Variants in E2F2 observed in about 807,000 individuals in gnomAD.
E2F2 encodes E2F transcription factor 2, also known as transcription factor E2F2.
Under a neutral mutation model 42.2 loss-of-function variants are expected in E2F2, and 22 were observed. That is an observed-to-expected ratio of 0.52 (90% CI 0.37 to 0.74). E2F2 has a LOEUF of 0.74. Among genes scored for constraint, E2F2 ranks in the 30% least tolerant of loss-of-function variants. The probability of loss-of-function intolerance (pLI) is 0.00; values close to 1 mark genes in which losing one functional copy is unlikely to be tolerated. For synonymous variants in E2F2, 248 were observed against 251.6 expected (o/e 0.99, Z 0.13); for missense variants, 481 against 557.8 (o/e 0.86, Z 1.39).
intron 6 of E2F2, among the ~76,000 whole-genome samples, chr1:23,515,204 G>A (rs867970472): frequency 1.3e-5 from 2 of 152,244 alleles, no homozygotes; most frequent in African/African-American, 4.8e-5. Flanking sequence ...CAGTCTAGCC[G>A]GATGTGTGAT....
chr1:23,523,881 C>G (rs1643199109), intron 2 of E2F2, among the ~76,000 whole-genome samples: 1 of 151,876 alleles, frequency 6.6e-6, no homozygotes, highest in Non-Finnish European at 1.5e-5. Context: ...TAAGACCAGC[C>G]TGGCCAACAT....
chr1:23,522,147 T>C, intron 2 of E2F2, 91 bp from the exon 3 acceptor site: 1 of 1,137,964 alleles, frequency 8.8e-7, no homozygotes, highest in East Asian at 2.5e-5. Context: ...AAGTACCACC[T>C]TTCACCACCC....
At chr1:23,517,868 C>T (rs1310018175) in intron 5 of E2F2, among the ~76,000 whole-genome samples, 1 of 152,142 alleles carries the variant, frequency 6.6e-6, no homozygotes, top group African/African-American at 2.4e-5. Flanking sequence ...AGGGGAAGAG[C>T]ATGTATGAGG....
downstream of E2F2, among the ~76,000 whole-genome samples, chr1:23,505,606 G>A (rs765691192): frequency 6.6e-6 from 1 of 152,118 alleles, no homozygotes; most frequent in Non-Finnish European, 1.5e-5. Flanking sequence ...TCTGCCTCCT[G>A]GGTTAAAGTG....
Position 23,512,166 on chromosome 1 carries a change from C to T in E2F2, c.1046-2018G>A, listed in dbSNP as rs574920821. ...TGAGGCAAGATCACGCCACTGCACT[C>T]CAGCCTGGGCAACAAGAGCGAGACT... On this transcript the variant is annotated intron_variant, in intron 6 of 6. Transcript: ENST00000361729. 3.0e-4 allele frequency among the ~76,000 whole-genome samples: 46 copies of T among 152,208 alleles called. 2 individuals carry two copies. Among genetic ancestry groups the T allele is most frequent in the South Asian group, 2.7e-3 (13 of 4,810 alleles).
In E2F2 at chr1:23,530,453, C is replaced by T. The variant is rs1643318643; in HGVS notation, c.252+89G>A. 6.6e-7 allele frequency: 1 copy of T among 1,524,718 alleles called. No individual in the cohort carries two copies. Among genetic ancestry groups the T allele is most frequent in the Non-Finnish European group, 8.8e-7 (1 of 1,136,826 alleles). The allele number at this position is 1,524,718 out of a possible 1,614,324, so 94.4% of individuals were successfully genotyped here. A position where few individuals can be genotyped will look rare whatever the true frequency, so the allele number is the denominator to read the frequency against. ...TTCCCTCTTCCCAAAACTCTACCTGCTCCACTCAAACTGGATCTCAGGCAC... is the reference window on the plus strand; with the variant it reads ...TTCCCTCTTCCCAAAACTCTACCTGTTCCACTCAAACTGGATCTCAGGCAC... On this transcript the variant is annotated intron_variant, in intron 1 of 6. Coordinates refer to ENST00000361729, the MANE Select transcript of E2F2 (RefSeq NM_004091.4). The surrounding 1 kb of genome is among the most constrained non-coding windows in gnomAD (Gnocchi z 4.4).
At chr1:23,515,694 A>G (rs1449606461) in intron 6 of E2F2, among the ~76,000 whole-genome samples, 1 of 151,448 alleles carries the variant, frequency 6.6e-6, no homozygotes, top group Admixed American at 6.6e-5. Context: ...CCTATTTTTT[A>G]AAATTTTATT....
chr1:23,511,590 T>A (rs1642910123), intron 6 of E2F2, among the ~76,000 whole-genome samples: 1 of 152,114 alleles, frequency 6.6e-6, no homozygotes, highest in African/African-American at 2.4e-5. Flanking sequence ...GGACATGCAA[T>A]GAAGCACTGG....
chr1:23,524,406 A>G lies in E2F2; in HGVS notation c.335T>C (p.Val112Ala). ...FPTPKGKCIR[V>A]DGLPSPKTPK... ...ACTTTTGGGGCTGGGGAGGCCATCCACTCTGATGCACTTCCCCTTGGGGGT... is the reference window on the plus strand; with the variant it reads ...ACTTTTGGGGCTGGGGAGGCCATCCGCTCTGATGCACTTCCCCTTGGGGGT... Residue 112 changes from valine (V) to alanine (A), a missense_variant, in exon 2 of 7, where the codon GTG becomes GCG. Coordinates refer to ENST00000361729, the MANE Select transcript of E2F2 (RefSeq NM_004091.4). 6.2e-7 allele frequency: 1 copy of G among 1,606,372 alleles called. No homozygotes were observed.
intron 1 of E2F2, among the ~76,000 whole-genome samples, chr1:23,526,139 T>C (rs1417252639): frequency 2.0e-5 from 3 of 152,150 alleles, no homozygotes; most frequent in Non-Finnish European, 4.4e-5. Flanking sequence ...CCAAACACTT[T>C]ACTGCTCATT....
Position 23,530,841 on chromosome 1 carries a change from C to G in E2F2, c.-48G>C. On this transcript the variant is annotated 5_prime_UTR_variant, in exon 1 of 7. Transcript: ENST00000361729. This position sits in a 1 kb window ranked among gnomAD's most constrained non-coding sequence, Gnocchi z 4.4. The stretch of plus-strand genomic sequence containing the variant: ...CAAAAGGGCTTGGCGCGCCCGCGGA[C>G]ACCTGCGGGTTCCGGTGCTGCCGCC... The G allele has an allele frequency of 7.0e-7, 1 of 1,431,550 alleles. No individual in the cohort carries two copies. Among genetic ancestry groups the G allele is most frequent in the Non-Finnish European group, 9.1e-7 (1 of 1,093,114 alleles). 88.7% of individuals were successfully genotyped at this position (1,431,550 alleles called of 1,614,324 possible). A position where few individuals can be genotyped will look rare whatever the true frequency, so the allele number is the denominator to read the frequency against.
intron 1 of E2F2, among the ~76,000 whole-genome samples, chr1:23,525,161 G>C (rs1007007749): frequency 2.0e-5 from 3 of 151,722 alleles, no homozygotes; most frequent in East Asian, 2.0e-4. Flanking sequence ...AATCCTTCCC[G>C]TGTCTTAAGG....
At chr1:23,520,243 C>CAAAAAAAAAAAAAAAA (rs66460864) in intron 4 of E2F2, among the ~76,000 whole-genome samples, 1 of 78,872 alleles carries the variant, frequency 1.3e-5, no homozygotes, top group African/African-American at 8.2e-5. Flanking sequence ...GACTCTGTCT[C>CAAAAAAAAAAAAAAAA]AAAAAAAAAA....
chr1:23,508,991 C>A lies in E2F2; in HGVS notation c.*889G>T, dbSNP rs1348024907. On this transcript the variant is annotated 3_prime_UTR_variant, in exon 7 of 7. Transcript: ENST00000361729. ...GGAAAAGTGCCCGCCACAGCCATGA[C>A]AGCTGCCCCCATGCTCCTGTCTGTT... 6.6e-6 allele frequency: 1 copy of A among 152,450 alleles called. No individual in the cohort carries two copies. Among genetic ancestry groups the A allele is most frequent in the Non-Finnish European group, 1.5e-5 (1 of 68,234 alleles). The allele number at this position is 152,450 out of a possible 1,614,324, so 9.4% of individuals were successfully genotyped here.
intron 4 of E2F2, among the ~76,000 whole-genome samples, chr1:23,519,805 C>T (rs966566019): frequency 5.9e-5 from 9 of 151,966 alleles, no homozygotes; most frequent in South Asian, 2.1e-4. Context: ...AGGCCGGGTG[C>T]GGTATCTCAC....
chr1:23,522,744 C>T (rs1643177219), intron 2 of E2F2, among the ~76,000 whole-genome samples: 1 of 152,114 alleles, frequency 6.6e-6, no homozygotes, highest in Admixed American at 6.6e-5. Flanking sequence ...GAGAAAGGTC[C>T]CTTTCTCAAT....
intron 1 of E2F2, among the ~76,000 whole-genome samples, chr1:23,528,698 A>G (rs571257689): frequency 1.3e-5 from 2 of 152,294 alleles, no homozygotes; most frequent in African/African-American, 4.8e-5. Flanking sequence ...TGCTAAGATC[A>G]CTGAGCCCTT....
chr1:23,525,444 A>G (rs895431950), intron 1 of E2F2, among the ~76,000 whole-genome samples: 1 of 152,202 alleles, frequency 6.6e-6, no homozygotes, highest in Non-Finnish European at 1.5e-5. Context: ...GCTCCTTCGC[A>G]GGCTCACGGT....
At chr1:23,519,206 C>A in intron 4 of E2F2, 76 bp from the exon 5 acceptor site, 1 of 980,238 alleles carries the variant, frequency 1.0e-6, no homozygotes, top group Non-Finnish European at 1.6e-6. Context: ...GCACCTTCAC[C>A]CACCTCTCCT....
Sources: allele counts gnomAD v4.1 joint callset (sites outside exome capture counted in the v4.1 genomes callset), GRCh38; gene constraint gnomAD v4.1.1; non-coding constraint Gnocchi (gnomAD v3.1); transcripts MANE v1.5; gene names NCBI Gene and HGNC (gene_info 2026-07-23, HGNC 2026-07-21).